IGBP1: variants seen among roughly 807,000 people sequenced by gnomAD.
IGBP1 encodes immunoglobulin binding protein 1.
In IGBP1, 2 loss-of-function variants were observed where a neutral mutation model predicts 25.9. The observed-to-expected ratio is 0.08, with a 90% confidence interval of 0.03 to 0.24. IGBP1 has a LOEUF of 0.24. Among genes scored for constraint, IGBP1 ranks in the 10% least tolerant of loss-of-function variants. IGBP1 has a pLI of 1.00. For missense variants in IGBP1, 187 were observed against 260.4 expected (o/e 0.72, Z 1.94); for synonymous variants, 96 against 93.4 (o/e 1.03, Z -0.16).
At chrX:70,162,890 C>T (rs1361875898) in intron 6 of IGBP1, among the ~76,000 whole-genome samples, 3 of 110,999 alleles carry the variant, frequency 2.7e-5, no homozygotes, top group Non-Finnish European at 5.7e-5. Context: ...AGGAGAATCG[C>T]TTGAGCCCAG....
rs1432082102 is a variant in IGBP1 at position 70,133,844 on chromosome X, A to C, written c.-104A>C. On this transcript the variant is annotated 5_prime_UTR_variant, in exon 2 of 7. Transcript: ENST00000356413. ...TTGTTAACAGTGAAGCTACTGGACC[A>C]ATGAGGTGCTTCTTCCGGTTTTGTC... is the stretch of plus-strand genomic sequence containing the variant. 8 of 694,892 alleles carry C rather than the reference A, an allele frequency of 1.2e-5. No homozygotes were observed. The highest frequency in any genetic ancestry group is 1.8e-5 in the Non-Finnish European group (8 of 449,793). 57.3% of individuals were successfully genotyped at this position (694,892 alleles called of 1,213,427 possible).
intron 6 of IGBP1, among the ~76,000 whole-genome samples, chrX:70,152,765 G>A (rs1004155951): frequency 9.0e-6 from 1 of 111,521 alleles, no homozygotes; most frequent in African/African-American, 3.3e-5. Context: ...AGAGCCTGTC[G>A]GTTAACTTGA....
In IGBP1 at chrX:70,165,862, G is replaced by A. The variant is rs749685170; in HGVS notation, c.901G>A (p.Glu301Lys). The A allele has an allele frequency of 1.7e-6, 2 of 1,207,657 alleles. No individual in the cohort carries two copies. Among genetic ancestry groups the A allele is most frequent in the Non-Finnish European group, 1.1e-6 (1 of 893,179 alleles). ...EEFRKAAQQQ[E>K]EQEEKEEEDD... ...ATTCAGAAAAGCAGCTCAGCAACAG[G>A]AAGAACAAGAAGAAAAGGAGGAAGA... is the stretch of plus-strand genomic sequence containing the variant. The change falls in exon 7 of 7, where the codon GAA becomes AAA. Residue 301 changes from glutamate to lysine, a missense_variant. By Grantham distance (56) the Glu-to-Lys change is moderately conservative. Transcript: ENST00000356413.
rs2085115163 is a variant in IGBP1, at chrX:70,139,233, C to G, written c.482+4417C>G. 2.8e-5 allele frequency among the ~76,000 whole-genome samples: 3 copies of G among 108,112 alleles called. No individual in the cohort carries two copies. The South Asian group carries it at 1.2e-3, about 45-fold the overall frequency. The allele number at this position is 108,112 out of a possible 115,157, so 93.9% of individuals were successfully genotyped here. A position where few individuals can be genotyped will look rare whatever the true frequency, so the allele number is the denominator to read the frequency against. ...GCTGAGGCAGGAGAATTGCTGGAAC[C>G]CAGGAGGTGGAGGTTGCAGTGAGCC... On this transcript the variant is annotated intron_variant, in intron 3 of 6. Transcript: ENST00000356413.
At chrX:70,135,062 C>A (rs1389955210) in intron 3 of IGBP1, among the ~76,000 whole-genome samples, 1 of 112,375 alleles carries the variant, frequency 8.9e-6, no homozygotes, top group Non-Finnish European at 1.9e-5. Flanking sequence ...TGTAGTTTAG[C>A]AGAGTGTCTC....
chrX:70,140,745 C>T (rs1035554476), intron 3 of IGBP1, among the ~76,000 whole-genome samples: 2 of 111,582 alleles, frequency 1.8e-5, no homozygotes, highest in African/African-American at 6.5e-5. Flanking sequence ...TGAGTAACAG[C>T]ACCTCCATCC....
chrX:70,134,907 ATG>A, intron 3 of IGBP1, 91 bp downstream of exon 3: 1 of 874,942 alleles, frequency 1.1e-6, no homozygotes, highest in South Asian at 2.1e-5. Context: ...CCAGAATGGT[ATG>A]TGTCACTTTC....
At chrX:70,138,182 G>A (rs751166081) in intron 3 of IGBP1, among the ~76,000 whole-genome samples, 1 of 110,038 alleles carries the variant, frequency 9.1e-6, no homozygotes, top group East Asian at 2.9e-4. Flanking sequence ...TTAAAGGATG[G>A]TTAAAAATAG....
chrX:70,158,798 C>T (rs796830058), intron 6 of IGBP1, among the ~76,000 whole-genome samples: 1 of 111,634 alleles, frequency 9.0e-6, no homozygotes, highest in Non-Finnish European at 1.9e-5. Flanking sequence ...GAGTCGAGAT[C>T]GTGCCACTGC....
intron 3 of IGBP1, among the ~76,000 whole-genome samples, chrX:70,139,121 C>G (rs1232901282): frequency 9.0e-6 from 1 of 110,806 alleles, no homozygotes; most frequent in Non-Finnish European, 1.9e-5. Context: ...ACCAGCCTGG[C>G]CAACATGGCG....
At chrX:70,152,771 C>T (rs1228515838) in intron 6 of IGBP1, among the ~76,000 whole-genome samples, 1 of 111,421 alleles carries the variant, frequency 9.0e-6, no homozygotes, top group Non-Finnish European at 1.9e-5. Flanking sequence ...TGTCGGTTAA[C>T]TTGAAGATCA....
intron 3 of IGBP1, among the ~76,000 whole-genome samples, chrX:70,146,025 C>T (rs933504121): frequency 8.9e-6 from 1 of 111,776 alleles, no homozygotes; most frequent in Admixed American, 9.6e-5. Context: ...GAGAATGGTG[C>T]CTGTCACACA....
chrX:70,142,343 G>C (rs1039907191), intron 3 of IGBP1, among the ~76,000 whole-genome samples: 4 of 110,882 alleles, frequency 3.6e-5, no homozygotes, highest in Non-Finnish European at 7.5e-5. Flanking sequence ...AAAATAAAGA[G>C]AAGAGTGATC....
chrX:70,152,781 A>G (rs1320721826), intron 6 of IGBP1, among the ~76,000 whole-genome samples: 2 of 111,943 alleles, frequency 1.8e-5, no homozygotes, highest in Non-Finnish European at 3.8e-5. Flanking sequence ...CTTGAAGATC[A>G]ATAGAAATTA....
chrX:70,153,786 C>T (rs1251205722), intron 6 of IGBP1, among the ~76,000 whole-genome samples: 4 of 111,841 alleles, frequency 3.6e-5, no homozygotes, highest in African/African-American at 1.3e-4. Flanking sequence ...CTAGATAATT[C>T]ACTGCCAAGC....
intron 4 of IGBP1, 71 bp downstream of exon 4, chrX:70,146,899 T>A: frequency 1.3e-6 from 1 of 782,296 alleles, no homozygotes; most frequent in Non-Finnish European, 1.9e-6. Flanking sequence ...AAGATCCTTT[T>A]AAGTCTCCAT....
At chrX:70,145,149 C>T (rs917612822) in intron 3 of IGBP1, among the ~76,000 whole-genome samples, 3 of 110,115 alleles carry the variant, frequency 2.7e-5, no homozygotes, top group Non-Finnish European at 3.8e-5. Flanking sequence ...CAGCTTAAGA[C>T]CCCCTGATTT....
At chrX:70,137,693 G>A (rs1301128838) in intron 3 of IGBP1, among the ~76,000 whole-genome samples, 3 of 104,668 alleles carry the variant, frequency 2.9e-5, no homozygotes, top group Admixed American at 1.0e-4. Flanking sequence ...AGTTGAGGGC[G>A]GCCTGTCAGC....
chrX:70,142,916 G>GTTTTT (rs772662468), intron 3 of IGBP1, among the ~76,000 whole-genome samples: 8 of 49,035 alleles, frequency 1.6e-4, no homozygotes, highest in Non-Finnish European at 1.9e-4. Context: ...TTATCGAGTT[G>GTTTTT]TTTTTTTTTT....
Sources: allele counts gnomAD v4.1 joint callset (sites outside exome capture counted in the v4.1 genomes callset), GRCh38; gene constraint gnomAD v4.1.1; transcripts MANE v1.5; gene names NCBI Gene and HGNC (gene_info 2026-07-23, HGNC 2026-07-21).